MYOZ2: variants seen among roughly 807,000 people sequenced by gnomAD.
MYOZ2 encodes myozenin 2, also known as myozenin-2.
Under a neutral mutation model 25.4 loss-of-function variants are expected in MYOZ2, and 19 were observed. That is an observed-to-expected ratio of 0.75 (90% CI 0.52 to 1.10). The LOEUF (loss-of-function observed/expected upper bound fraction) is 1.10, where lower values mean the gene tolerates loss of function less well. Ranked by LOEUF, MYOZ2 falls within the 50% of genes least tolerant of loss-of-function variation. The pLI, the probability that MYOZ2 is intolerant of heterozygous loss-of-function variation, is 0.00. For missense variants in MYOZ2, 270 were observed against 317.9 expected (o/e 0.85, Z 1.15); for synonymous variants, 92 against 106.9 (o/e 0.86, Z 0.86).
chr4:119,181,974 G>A (rs1008513135), intron 5 of MYOZ2, among the ~76,000 whole-genome samples: 5 of 152,098 alleles, frequency 3.3e-5, no homozygotes, highest in African/African-American at 1.2e-4. Context: ...TTAGAAGTTT[G>A]ATAGTAAATT....
intron 2 of MYOZ2, among the ~76,000 whole-genome samples, chr4:119,139,544 A>C (rs1255466727): frequency 6.6e-6 from 1 of 152,164 alleles, no homozygotes; most frequent in South Asian, 2.1e-4. Context: ...TGAAACTTGA[A>C]GACTGAATGA....
chr4:119,151,888 C>T (rs942654196), intron 3 of MYOZ2, among the ~76,000 whole-genome samples: 2 of 152,070 alleles, frequency 1.3e-5, no homozygotes, highest in African/African-American at 4.8e-5. Context: ...CTTACCAGCT[C>T]CCATCACTAA....
intron 5 of MYOZ2, among the ~76,000 whole-genome samples, chr4:119,185,318 C>CT (rs367617177): frequency 2.6e-3 from 383 of 149,122 alleles, no homozygotes; most frequent in African/African-American, 8.1e-3. Context: ...CAGGGAATAT[C>CT]TTTTTTTTTT....
At chr4:119,149,063 T>G (rs1318125133) in intron 2 of MYOZ2, among the ~76,000 whole-genome samples, 1 of 152,198 alleles carries the variant, frequency 6.6e-6, no homozygotes, top group East Asian at 1.9e-4. Context: ...ACCTTCTTTT[T>G]CATCTGTTCT....
chr4:119,152,335 C>G (rs745551267), intron 3 of MYOZ2, among the ~76,000 whole-genome samples: 9 of 152,044 alleles, frequency 5.9e-5, no homozygotes, highest in Non-Finnish European at 1.0e-4. Flanking sequence ...TAATCATATT[C>G]TTTCAATAAT....
chr4:119,175,044 GGAACAAACTCCA>G (rs1443034049), intron 5 of MYOZ2, among the ~76,000 whole-genome samples: 4 of 151,776 alleles, frequency 2.6e-5, no homozygotes, highest in Non-Finnish European at 5.9e-5. Flanking sequence ...AACATCAGAA[GGAACAAACTCCA>G]GACACGCCAC....
chr4:119,150,336 T>A (rs983702083), intron 2 of MYOZ2, among the ~76,000 whole-genome samples: 1 of 152,006 alleles, frequency 6.6e-6, no homozygotes, highest in Non-Finnish European at 1.5e-5. Flanking sequence ...TTGAGCTGGA[T>A]TGGGGAAAAA....
At chr4:119,185,622 A>C (rs1254383547) in intron 5 of MYOZ2, among the ~76,000 whole-genome samples, 2 of 152,126 alleles carry the variant, frequency 1.3e-5, no homozygotes, top group African/African-American at 4.8e-5. Flanking sequence ...GCCTAGAAAT[A>C]TCTTGAATAG....
chr4:119,185,975 A>G lies in MYOZ2; in HGVS notation c.570A>G (p.Thr190=). 1 of 1,613,382 alleles carries G rather than the reference A, an allele frequency of 6.2e-7. No homozygotes were observed. Among genetic ancestry groups the G allele is most frequent in the Non-Finnish European group, 8.5e-7 (1 of 1,179,790 alleles). ...TTTTAATTTCCCACAGGGTTGCCAC[A>G]CCATTTGGAGGTTTTGAAAAAGCAT... ...PDYRSFNRVA[T]PFGGFEKASR... The change falls in exon 6 of 6, where the codon ACA becomes ACG. Residue 190 remains threonine (T), a synonymous_variant. Transcript: ENST00000307128.
chr4:119,139,526 A>G (rs1192360256), intron 2 of MYOZ2, among the ~76,000 whole-genome samples: 1 of 152,192 alleles, frequency 6.6e-6, no homozygotes, highest in Non-Finnish European at 1.5e-5. Flanking sequence ...CTTGTTCAGT[A>G]TCTCATGTGA....
At position 119,170,195 on chromosome 4, in the gene MYOZ2, A is replaced by G. The variant is rs561900264; in HGVS notation, c.560+5801A>G. ...CCCCATTCCCTCTCTGCCACCATCA[A>G]TTCCTGACAACCACCATTCTACTTT... On this transcript the variant is annotated intron_variant, in intron 5 of 5. Coordinates refer to ENST00000307128, the MANE Select transcript of MYOZ2 (RefSeq NM_016599.5). 1.1e-4 allele frequency among the ~76,000 whole-genome samples: 16 copies of G among 152,036 alleles called. No homozygotes were observed. The South Asian group carries it at 1.2e-3, about 12-fold the overall frequency.
intron 3 of MYOZ2, among the ~76,000 whole-genome samples, chr4:119,152,497 A>G (rs1741477133): frequency 6.6e-6 from 1 of 152,148 alleles, no homozygotes; most frequent in Non-Finnish European, 1.5e-5. Flanking sequence ...TGCTTTAACT[A>G]CAATTCTGAA....
At position 119,158,018 on chromosome 4, in the gene MYOZ2, A is replaced by G. The variant is rs1741620439; in HGVS notation, c.247-4A>G. ...CAGCAGAGTTTACTTTTGATTAAAT[A>G]CAGCACAGTATTGCTATGCAGAATG... On this transcript the variant is annotated splice_polypyrimidine_tract_variant and splice_region_variant and intron_variant, in intron 3 of 5. Transcript: ENST00000307128. 2 of 1,613,906 alleles carry G rather than the reference A, an allele frequency of 1.2e-6. No homozygotes were observed. The highest frequency in any genetic ancestry group is 1.1e-5 in the South Asian group (1 of 91,090).
At position 119,150,236 on chromosome 4, in the gene MYOZ2, A is replaced by C. The variant is rs2149221189; in HGVS notation, c.77-636A>C. Among the ~76,000 whole-genome samples, 3 of 152,340 alleles carry C rather than the reference A, an allele frequency of 2.0e-5. No individual in the cohort carries two copies. The Middle Eastern group carries it at 0.01, about 518-fold the overall frequency. ...CCATAAAACAAATAAAACAAAATCA[A>C]ATATATGTGATTCAGTGTTATGGAA... is the stretch of plus-strand genomic sequence containing the variant. On this transcript the variant is annotated intron_variant, in intron 2 of 5. Transcript: ENST00000307128.
At chr4:119,172,384 G>A (rs1319155412) in intron 5 of MYOZ2, among the ~76,000 whole-genome samples, 1 of 152,168 alleles carries the variant, frequency 6.6e-6, no homozygotes, top group African/African-American at 2.4e-5. Flanking sequence ...GGGTAGTGGG[G>A]ACAGTGAGTC....
At chr4:119,138,738 A>T (rs1165756586) in intron 2 of MYOZ2, among the ~76,000 whole-genome samples, 8 of 152,304 alleles carry the variant, frequency 5.3e-5, no homozygotes, top group Non-Finnish European at 1.0e-4. Flanking sequence ...TTTCAGCCTC[A>T]TAACTCATTT....
At chr4:119,178,186 C>T (rs1431308139) in intron 5 of MYOZ2, among the ~76,000 whole-genome samples, 1 of 152,192 alleles carries the variant, frequency 6.6e-6, no homozygotes, top group Non-Finnish European at 1.5e-5. Flanking sequence ...GATCATCAAA[C>T]TCCCCAGATC....
rs931792485 is a variant in MYOZ2, at chr4:119,150,800, A to G, written c.77-72A>G. 17 of 1,452,034 alleles carry G rather than the reference A, an allele frequency of 1.2e-5. No homozygotes were observed. The African/African-American group carries it at 2.3e-4, about 19-fold the overall frequency. The allele number at this position is 1,452,034 out of a possible 1,614,324, so 89.9% of individuals were successfully genotyped here. The stretch of plus-strand genomic sequence containing the variant: ...CAATTAGAAAGTGGTGGAATTTTAG[A>G]ATTAAGAAATTTATAAAAGCATTAA... On this transcript the variant is annotated intron_variant, in intron 2 of 5. Transcript: ENST00000307128.
chr4:119,138,862 C>T (rs114347322), intron 2 of MYOZ2, among the ~76,000 whole-genome samples: 2,713 of 152,136 alleles, frequency 0.018, 87 homozygotes, highest in African/African-American at 0.062. Context: ...CAATCCCATT[C>T]TTGTAGGGGA....
Sources: allele counts gnomAD v4.1 joint callset (sites outside exome capture counted in the v4.1 genomes callset), GRCh38; gene constraint gnomAD v4.1.1; transcripts MANE v1.5; gene names NCBI Gene and HGNC (gene_info 2026-07-23, HGNC 2026-07-21).